ZNF263: variants seen among roughly 807,000 people sequenced by gnomAD.
ZNF263 encodes zinc finger protein FPM315.
A neutral mutation model predicts 63.1 loss-of-function variants in ZNF263; 49 were observed. The observed-to-expected ratio is 0.78, with a 90% CI of 0.62 to 0.99. The LOEUF (loss-of-function observed/expected upper bound fraction) is 0.99. ZNF263 is among the 50% of genes least tolerant of loss of function. ZNF263 has a pLI of 0.00. For missense variants in ZNF263, 872 were observed against 854.8 expected, an observed-to-expected ratio of 1.02 and a Z score of -0.25; for synonymous variants, 352 against 324.2, an observed-to-expected ratio of 1.09 and a Z score of -0.92.
chr16:3,286,228 C>T (rs962984116), intron 4 of ZNF263, 79 bp downstream of exon 4: 6 of 1,499,994 alleles, frequency 4.0e-6, no homozygotes, highest in South Asian at 1.4e-5. Context: ...ACCTCCTGGA[C>T]ACAGACTCTG....
At chr16:3,295,561 C>G (rs1959720987), downstream of ZNF263, among the ~76,000 whole-genome samples, 1 of 152,252 alleles carries the variant, frequency 6.6e-6, no homozygotes, top group Admixed American at 6.5e-5. Context: ...CGCGGAGGGC[C>G]GAGCTGGGGT....
downstream of ZNF263, among the ~76,000 whole-genome samples, chr16:3,292,113 C>T (rs182642069): frequency 3.5e-4 from 53 of 152,100 alleles, no homozygotes; most frequent in African/African-American, 1.2e-3. Flanking sequence ...CTGTGGGAAA[C>T]GGGGGAGTAT....
chr16:3,299,908 T>C (rs749201716), intron 2 of ZNF263: 4 of 1,611,390 alleles, frequency 2.5e-6, no homozygotes, highest in Admixed American at 1.7e-5. Flanking sequence ...TTTCACACTT[T>C]TGGGCAGTTT....
downstream of ZNF263, among the ~76,000 whole-genome samples, chr16:3,292,306 T>G (rs1268993159): frequency 6.6e-6 from 1 of 152,098 alleles, no homozygotes; most frequent in Non-Finnish European, 1.5e-5. Flanking sequence ...CCTGCCTCAG[T>G]TTAGTATGTG....
In ZNF263 at chr16:3,289,460, G is replaced by A. The variant is rs1245785589; in HGVS notation, c.954G>A (p.Val318=). The A allele has an allele frequency of 6.5e-7, 1 of 1,531,598 alleles. No individual in the cohort carries two copies. Among genetic ancestry groups the A allele is most frequent in the African/African-American group, 1.4e-5 (1 of 72,156 alleles). 94.9% of individuals were successfully genotyped at this position (1,531,598 alleles called of 1,614,324 possible). The part of the protein sequence containing the change: ...SVCSENIHPQ[V]LLPDQARGEV... ...GCTCTGAGAACATCCACCCTCAGGT[G>A]CTGCTTCCTGACCAGGCCCGAGGGG... Residue 318 remains valine (V), a synonymous_variant, in exon 6 of 6, where the codon GTG becomes GTA. Coordinates refer to ENST00000219069, the MANE Select transcript of ZNF263 (RefSeq NM_005741.5).
intron 2 of ZNF263, chr16:3,299,683 T>C (rs371778124): frequency 6.5e-6 from 10 of 1,542,608 alleles, no homozygotes; most frequent in Non-Finnish European, 7.8e-6. Flanking sequence ...TATTCGACCA[T>C]CCTCACTGGT....
intron 2 of ZNF263, chr16:3,300,322 A>C (rs774674990): frequency 1.2e-6 from 2 of 1,614,106 alleles, no homozygotes; most frequent in Admixed American, 3.3e-5. Flanking sequence ...CACGCCTCTT[A>C]CCGGAACACC....
chr16:3,295,179 G>C (rs370983999), downstream of ZNF263, among the ~76,000 whole-genome samples: 10 of 152,252 alleles, frequency 6.6e-5, no homozygotes, highest in South Asian at 1.2e-3. Flanking sequence ...ACACGCGGCC[G>C]GGCCCACGAG....
Position 3,300,276 on chromosome 16 carries a change from A to G in ZNF263, c.*47-637A>G, listed in dbSNP as rs1026310230. On this transcript the variant is annotated intron_variant, in intron 2 of 2. Transcript: ENST00000574674. Reference sequence around the variant, plus strand: ...TAGCTTTGAAATCTGTTCGCCCAAAACACCGTGCAAATCTCTCTGCAGCAG... The same window carrying G: ...TAGCTTTGAAATCTGTTCGCCCAAAGCACCGTGCAAATCTCTCTGCAGCAG... 14 of 1,614,062 alleles carry G rather than the reference A, an allele frequency of 8.7e-6. No homozygotes were observed. In the Admixed American group the frequency reaches 1.5e-4, roughly 17 times the overall value.
In ZNF263 at chr16:3,283,864, G is replaced by A; in HGVS notation, c.46G>A (p.Val16Met). Residue 16 changes from valine (V) to methionine (M), a missense_variant, in exon 1 of 6, where the codon GTG becomes ATG. Physicochemically the swap from Val to Met is conservative, Grantham distance 21. Transcript: ENST00000219069. ...GSQEREGLLI[V>M]KLEEDCAWSQ... ...CCAGGAACGGGAAGGGCTCCTGATA[G>A]TGAAGCTGGAGGAGGACTGCGCCTG... The A allele has an allele frequency of 6.2e-7, 1 of 1,603,968 alleles. No individual in the cohort carries two copies. The highest frequency in any genetic ancestry group is 1.7e-4 in the Middle Eastern group (1 of 5,852).
chr16:3,299,367 T>C, intron 2 of ZNF263: 2 of 1,571,218 alleles, frequency 1.3e-6, no homozygotes, highest in Non-Finnish European at 1.7e-6. Context: ...AATCCCCATG[T>C]TCTAAGCCTT....
chr16:3,298,312 A>G (rs1286430599), intron 1 of ZNF263, among the ~76,000 whole-genome samples: 5 of 152,376 alleles, frequency 3.3e-5, no homozygotes, highest in East Asian at 1.9e-4. Flanking sequence ...GGAAGTCATT[A>G]TTATGAAGAC....
chr16:3,293,935 GTTTTGT>G (rs1037250486), downstream of ZNF263, among the ~76,000 whole-genome samples: 14 of 152,094 alleles, frequency 9.2e-5, no homozygotes, highest in African/African-American at 3.4e-4. Flanking sequence ...TTTTTGTTTT[GTTTTGT>G]TTGAGACGGA....
At chr16:3,293,409 C>A (rs1959667886), downstream of ZNF263, 3 of 152,234 alleles carry the variant, frequency 2.0e-5, no homozygotes, top group Admixed American at 2.0e-4. Context: ...GTAAATTACG[C>A]AGTCTCTGTA....
chr16:3,299,642 T>C, intron 2 of ZNF263: 6 of 1,564,314 alleles, frequency 3.8e-6, no homozygotes, highest in Non-Finnish European at 5.2e-6. Context: ...TGAATCAAGG[T>C]TGAAGTGTTA....
rs916857743 is a variant in ZNF263, at chr16:3,291,155, G to T, written c.*597G>T. On this transcript the variant is annotated 3_prime_UTR_variant, in exon 6 of 6. Coordinates refer to ENST00000219069, the MANE Select transcript of ZNF263 (RefSeq NM_005741.5). ...ATTGGCAGATTACACATGTAAATAT[G>T]ACCTCAGACAAAAAGGAACCAGAGG... 1.0e-6 allele frequency: 1 copy of T among 985,836 alleles called. No individual in the cohort carries two copies. Among genetic ancestry groups the T allele is most frequent in the Admixed American group, 6.1e-5 (1 of 16,324 alleles). 61.1% of individuals were successfully genotyped at this position (985,836 alleles called of 1,614,324 possible).
chr16:3,296,519 TAAAAA>T (rs981119671), intron 1 of ZNF263, among the ~76,000 whole-genome samples: 16 of 152,024 alleles, frequency 1.1e-4, no homozygotes, highest in African/African-American at 3.4e-4. Flanking sequence ...GGACTAATCT[TAAAAA>T]AAGAAAAAGT....
chr16:3,288,922 T>C (rs904599709), intron 5 of ZNF263, among the ~76,000 whole-genome samples: 1 of 152,020 alleles, frequency 6.6e-6, no homozygotes, highest in African/African-American at 2.4e-5. Flanking sequence ...GATTTACAAG[T>C]GTGAGCCACC....
At chr16:3,292,658 A>T (rs1409579856), downstream of ZNF263, among the ~76,000 whole-genome samples, 5 of 152,198 alleles carry the variant, frequency 3.3e-5, no homozygotes, top group Non-Finnish European at 7.3e-5. Context: ...CCTTGGTAAC[A>T]TCACCCACAC....
Sources: allele counts gnomAD v4.1 joint callset (sites outside exome capture counted in the v4.1 genomes callset), GRCh38; gene constraint gnomAD v4.1.1; transcripts MANE v1.5; gene names NCBI Gene and HGNC (gene_info 2026-07-23, HGNC 2026-07-21).